NTM: variants seen among roughly 807,000 people sequenced by gnomAD.
NTM encodes neurotrimin, also known as IgLON family member 2.
Under a neutral mutation model 42.1 loss-of-function variants are expected in NTM, and 13 were observed. That is an observed-to-expected ratio of 0.31 (90% CI 0.20 to 0.49). NTM has a LOEUF of 0.49. Ranked by LOEUF, NTM falls within the 20% of genes least tolerant of loss-of-function variation. The pLI, the probability that NTM is intolerant of heterozygous loss-of-function variation, is 0.99. For missense variants in NTM, 373 were observed against 452.8 expected, an observed-to-expected ratio of 0.82 and a Z score of 1.60; for synonymous variants, 187 against 179.2, an observed-to-expected ratio of 1.04 and a Z score of -0.35.
intron 1 of NTM, among the ~76,000 whole-genome samples, chr11:131,863,980 C>T (rs1238766492): frequency 1.3e-5 from 2 of 152,114 alleles, no homozygotes; most frequent in Non-Finnish European, 2.9e-5. Flanking sequence ...TGATGAATTT[C>T]CTTGTAGAAA....
At chr11:132,082,928 C>T (rs973607662) in intron 2 of NTM, among the ~76,000 whole-genome samples, 1 of 152,162 alleles carries the variant, frequency 6.6e-6, no homozygotes, top group African/African-American at 2.4e-5. Context: ...AGGCTGCTGG[C>T]AGGCTCAGAT....
intron 1 of NTM, among the ~76,000 whole-genome samples, chr11:131,566,514 C>G (rs570439430): frequency 3.5e-4 from 53 of 152,098 alleles, no homozygotes; most frequent in African/African-American, 1.3e-3. Flanking sequence ...AACTGCTGCT[C>G]GACTCATCAT....
chr11:131,389,976 G>C (rs1160574092), intron 1 of NTM, among the ~76,000 whole-genome samples: 1 of 152,204 alleles, frequency 6.6e-6, no homozygotes, highest in African/African-American at 2.4e-5. Flanking sequence ...AACTGGGAGA[G>C]GGGCAGAAGG....
At chr11:131,536,073 C>T (rs1263220649) in intron 1 of NTM, 1 of 152,146 alleles carries the variant, frequency 6.6e-6, no homozygotes. Context: ...GGGGTGGGGT[C>T]TGTGTTTAAC....
At chr11:132,203,611 A>G (rs1391848950) in intron 3 of NTM, among the ~76,000 whole-genome samples, 1 of 152,164 alleles carries the variant, frequency 6.6e-6, no homozygotes, top group African/African-American at 2.4e-5. Flanking sequence ...ATTTGAAAAA[A>G]CACTGCGCGG....
chr11:131,975,205 A>G (rs1409034315), intron 2 of NTM, among the ~76,000 whole-genome samples: 2 of 151,624 alleles, frequency 1.3e-5, no homozygotes, highest in African/African-American at 2.4e-5. Context: ...TTTTTGAGAC[A>G]GAGTCTTGCT....
At chr11:131,719,064 C>G (rs1011489358) in intron 1 of NTM, among the ~76,000 whole-genome samples, 2 of 152,138 alleles carry the variant, frequency 1.3e-5, no homozygotes, top group African/African-American at 4.8e-5. Flanking sequence ...CACGTGCCAC[C>G]ACACCCGGCT....
chr11:131,834,187 C>A (rs74824260), intron 1 of NTM, among the ~76,000 whole-genome samples: 5,912 of 152,234 alleles, frequency 0.039, 390 homozygotes, highest in African/African-American at 0.14. Context: ...AATAGGGAGG[C>A]TCAGGGCCCA....
Position 131,624,142 on chromosome 11 carries a change from T to G in NTM, c.82+253254T>G, listed in dbSNP as rs567654801. Among the ~76,000 whole-genome samples the G allele has an allele frequency of 2.0e-5, 3 of 152,292 alleles. No homozygotes were observed. In the East Asian group the frequency reaches 5.8e-4, roughly 29 times the overall value. On this transcript the variant is annotated intron_variant, in intron 1 of 8. Coordinates refer to ENST00000683400, the MANE Select transcript of NTM (RefSeq NM_001352005.2). Reference sequence around the variant, plus strand: ...GCACAGGCAGACAATAGGGTTCAGATTCCATTTTCTTGGCTCATAAGGGCG... The same window carrying G: ...GCACAGGCAGACAATAGGGTTCAGAGTCCATTTTCTTGGCTCATAAGGGCG...
rs560423956 is a variant in NTM at position 131,780,454 on chromosome 11, C to T, written c.83-131110C>T. ...TTTTGGACATGTGGAGTTTGAGATG[C>T]CTGTAGGACTGAGGTAAGATATTTA... On this transcript the variant is annotated intron_variant, in intron 1 of 8. Coordinates refer to ENST00000683400, the MANE Select transcript of NTM (RefSeq NM_001352005.2). Among the ~76,000 whole-genome samples the T allele has an allele frequency of 1.2e-4, 19 of 152,132 alleles. No individual in the cohort carries two copies. In the South Asian group the frequency reaches 3.7e-3, roughly 30 times the overall value.
intron 1 of NTM, among the ~76,000 whole-genome samples, chr11:131,830,771 T>A (rs2042719235): frequency 6.6e-6 from 1 of 152,210 alleles, no homozygotes; most frequent in Admixed American, 6.5e-5. Flanking sequence ...TTATGGCCAT[T>A]TTAACAATAT....
At chr11:131,398,782 C>A (rs762467611) in intron 1 of NTM, among the ~76,000 whole-genome samples, 3 of 152,270 alleles carry the variant, frequency 2.0e-5, no homozygotes, top group Non-Finnish European at 2.9e-5. Flanking sequence ...AAAGTGATCC[C>A]AGACCCCGCA....
chr11:132,141,619 G>A (rs11222954), intron 2 of NTM, among the ~76,000 whole-genome samples: 15,047 of 152,120 alleles, frequency 0.099, 896 homozygotes, highest in African/African-American at 0.15. Flanking sequence ...AATACACCCT[G>A]AATATTGACA....
chr11:131,765,497 A>G lies in NTM; in HGVS notation c.83-146067A>G, dbSNP rs1420529930. On this transcript the variant is annotated intron_variant, in intron 1 of 8. Coordinates refer to ENST00000683400, the MANE Select transcript of NTM (RefSeq NM_001352005.2). ...TTTTCTATCTTATCCGCTTATGTAT[A>G]ATCTCTTCTAGGAAAATTCCCCTCA... 2.6e-5 allele frequency among the ~76,000 whole-genome samples: 4 copies of G among 152,268 alleles called. No homozygotes were observed. In the East Asian group the frequency reaches 7.7e-4, roughly 29 times the overall value.
rs141638809 is a variant in NTM, at chr11:132,040,469, C to T, written c.168-105813C>T. ...TCAGGAGAAGAGCTTTCACTTTCCT[C>T]AGCACACCTGAAGGCATTTCTTATT... On this transcript the variant is annotated intron_variant, in intron 2 of 8. Transcript: ENST00000683400. 1.4e-4 allele frequency among the ~76,000 whole-genome samples: 21 copies of T among 152,336 alleles called. No homozygotes were observed. The East Asian group carries it at 2.7e-3, about 20-fold the overall frequency.
chr11:131,507,608 C>T (rs1168131116), intron 1 of NTM, among the ~76,000 whole-genome samples: 1 of 149,980 alleles, frequency 6.7e-6, no homozygotes, highest in Non-Finnish European at 1.5e-5. Context: ...TCATTGGTAG[C>T]TTGATGGGGA....
rs532739861 is a variant in NTM at position 131,866,059 on chromosome 11, A to G, written c.83-45505A>G. 6.5e-3 allele frequency among the ~76,000 whole-genome samples: 953 copies of G among 146,800 alleles called. 38 individuals carry two copies. The highest frequency in any genetic ancestry group is 0.023 in the African/African-American group (892 of 39,162). On this transcript the variant is annotated intron_variant, in intron 1 of 8. Coordinates refer to ENST00000683400, the MANE Select transcript of NTM (RefSeq NM_001352005.2). ...TACACACATGCTACACACACACTAC[A>G]CACACACCCCACACACTCTCACACA...
intron 1 of NTM, among the ~76,000 whole-genome samples, chr11:131,794,175 C>G (rs2091285844): frequency 6.6e-6 from 1 of 152,134 alleles, no homozygotes; most frequent in South Asian, 2.1e-4. Context: ...TCCTCCTTGA[C>G]ACCACCTCTG....
chr11:131,567,036 G>T (rs528330052), intron 1 of NTM, among the ~76,000 whole-genome samples: 2 of 152,196 alleles, frequency 1.3e-5, no homozygotes, highest in South Asian at 4.2e-4. Context: ...CTAGGATGTG[G>T]GGGTGGAGCT....
Sources: gnomAD v4.1 joint callset for allele counts (sites outside exome capture counted in the v4.1 genomes callset) on GRCh38, gnomAD v4.1.1 for gene constraint, MANE v1.5 for transcripts, NCBI Gene and HGNC (gene_info 2026-07-23, HGNC 2026-07-21) for gene names.